The following RAB4A variants were observed in gnomAD, a reference collection of about 807,000 sequenced individuals.
RAB4A encodes RAB4A, member RAS oncogene family, also known as ras-related protein Rab-4A.
RAB4A carries 20 observed loss-of-function variants against 34.5 expected under a neutral mutation model. The ratio of observed to expected loss-of-function variants is 0.58; its 90% CI spans 0.41 to 0.84. The LOEUF is 0.84. RAB4A is among the 40% of genes least tolerant of loss of function. The pLI is 0.00. For missense variants in RAB4A, 228 were observed against 274.5 expected (o/e 0.83, Z 1.20); for synonymous variants, 102 against 100.0 (o/e 1.02, Z -0.12).
intron 3 of RAB4A, among the ~76,000 whole-genome samples, chr1:229,294,408 G>C (rs572244758): frequency 6.6e-6 from 1 of 152,374 alleles, no homozygotes; most frequent in South Asian, 2.1e-4. Flanking sequence ...GCGCGAGTGA[G>C]TGAGGACAGA....
chr1:229,302,173 T>C (rs1386970254), intron 6 of RAB4A, among the ~76,000 whole-genome samples: 1 of 147,812 alleles, frequency 6.8e-6, no homozygotes, highest in African/African-American at 2.5e-5. Flanking sequence ...ACCTATGTGT[T>C]ACCATAATTC....
In RAB4A at chr1:229,305,386, A is replaced by C. The variant is rs914823123; in HGVS notation, c.*1593A>C. On this transcript the variant is annotated 3_prime_UTR_variant, in exon 8 of 8. Transcript: ENST00000366690. ...CTAACACATCAGCTTATTCAAAAGC[A>C]AGAATTTTAAAAATAAGATAAATGT... The C allele has an allele frequency of 1.3e-5, 15 of 1,133,662 alleles. No individual in the cohort carries two copies. The Admixed American group carries it at 4.7e-4, about 35-fold the overall frequency. 70.2% of individuals were successfully genotyped at this position (1,133,662 alleles called of 1,614,324 possible). A position where few individuals can be genotyped will look rare whatever the true frequency, so the allele number is the denominator to read the frequency against.
At position 229,271,273 on chromosome 1, in the gene RAB4A, G is replaced by A. The variant is rs937090952; in HGVS notation, c.-67G>A. On this transcript the variant is annotated 5_prime_UTR_variant, in exon 1 of 8. Transcript: ENST00000366690. ...CCCCCGCCCCAGGTCCTTCCCCACC[G>A]AGACGCGCCGGCGGACCGCGGGCGA... 69 of 1,312,208 alleles carry A rather than the reference G, an allele frequency of 5.3e-5. No homozygotes were observed. The East Asian group carries it at 1.3e-3, about 24-fold the overall frequency. The allele number at this position is 1,312,208 out of a possible 1,614,324, so 81.3% of individuals were successfully genotyped here.
chr1:229,296,291 A>G (rs909105025), intron 4 of RAB4A, among the ~76,000 whole-genome samples: 1 of 152,198 alleles, frequency 6.6e-6, no homozygotes, highest in Non-Finnish European at 1.5e-5. Flanking sequence ...GCTGGGTTCA[A>G]ATCCCAGTTG....
intron 6 of RAB4A, 77 bp from the exon 7 acceptor site, chr1:229,302,785 T>C (rs78398440): frequency 1.1e-6 from 1 of 909,690 alleles, no homozygotes; most frequent in Non-Finnish European, 1.6e-6. Context: ...GTACTTTGCT[T>C]TTTTTTTTTT....
chr1:229,303,149 A>G (rs1054031724), intron 7 of RAB4A, among the ~76,000 whole-genome samples, 160 bp downstream of exon 7: 1 of 152,106 alleles, frequency 6.6e-6, no homozygotes, highest in Non-Finnish European at 1.5e-5. Context: ...CAGTTGCTTT[A>G]GTTCAGGAGT....
intron 4 of RAB4A, 24 bp downstream of exon 4, chr1:229,295,934 A>AG: frequency 6.2e-7 from 1 of 1,613,160 alleles, no homozygotes; most frequent in African/African-American, 1.3e-5. Flanking sequence ...CCCCTGGTGA[A>AG]GGAGGGTGCT....
At position 229,297,472 on chromosome 1, in the gene RAB4A, T is replaced by C. The variant is rs1238822180; in HGVS notation, c.291-10T>C. 1.9e-6 allele frequency: 3 copies of C among 1,585,200 alleles called. No homozygotes were observed. Among genetic ancestry groups the C allele is most frequent in the Admixed American group, 2.0e-5 (1 of 51,052 alleles). ...TACATGTATTATTTTCACAATCTTATATTACGCAGCCGAGAAACCTACAAT... is the reference window on the plus strand; with the variant it reads ...TACATGTATTATTTTCACAATCTTACATTACGCAGCCGAGAAACCTACAAT... On this transcript the variant is annotated splice_polypyrimidine_tract_variant and intron_variant, in intron 4 of 7. Transcript: ENST00000366690.
At chr1:229,278,737 C>T (rs1327310085) in intron 1 of RAB4A, among the ~76,000 whole-genome samples, 1 of 152,198 alleles carries the variant, frequency 6.6e-6, no homozygotes, top group Non-Finnish European at 1.5e-5. Context: ...TCCTTTCCCT[C>T]ACAGCTAAAC....
chr1:229,291,901 G>T (rs981985212), intron 3 of RAB4A, among the ~76,000 whole-genome samples: 1 of 152,054 alleles, frequency 6.6e-6, no homozygotes, highest in Non-Finnish European at 1.5e-5. Flanking sequence ...AAAATGATGA[G>T]TTCGTGTCCT....
intron 2 of RAB4A, among the ~76,000 whole-genome samples, chr1:229,286,964 T>C (rs1656939349): frequency 6.6e-6 from 1 of 152,228 alleles, no homozygotes; most frequent in Admixed American, 6.5e-5. Flanking sequence ...TGTCATCAAT[T>C]CTGTTTTATA....
At chr1:229,300,647 G>A (rs1266362366) in intron 6 of RAB4A, among the ~76,000 whole-genome samples, 2 of 152,154 alleles carry the variant, frequency 1.3e-5, no homozygotes, top group East Asian at 3.8e-4. Context: ...AGCAGGGAAT[G>A]TGAGGGAGTA....
At chr1:229,282,068 A>G (rs1477489340) in intron 1 of RAB4A, among the ~76,000 whole-genome samples, 3 of 151,622 alleles carry the variant, frequency 2.0e-5, no homozygotes, top group Admixed American at 2.0e-4. Context: ...TTCCTTTATC[A>G]TTTTCTTCCT....
chr1:229,298,595 T>A (rs1446919824), intron 5 of RAB4A, among the ~76,000 whole-genome samples: 1 of 152,162 alleles, frequency 6.6e-6, no homozygotes, highest in Non-Finnish European at 1.5e-5. Flanking sequence ...CACTTGTAGG[T>A]CATATTTGTG....
chr1:229,280,240 A>G (rs1044172378), intron 1 of RAB4A, among the ~76,000 whole-genome samples: 4 of 152,206 alleles, frequency 2.6e-5, no homozygotes, highest in African/African-American at 9.7e-5. Context: ...CAAACATTGA[A>G]CACTCTGAGA....
At chr1:229,294,080 T>C (rs544748770) in intron 3 of RAB4A, among the ~76,000 whole-genome samples, 29 of 152,020 alleles carry the variant, frequency 1.9e-4, no homozygotes, top group Non-Finnish European at 3.8e-4. Flanking sequence ...TGAGGATGAA[T>C]GTGGAGCTGA....
At chr1:229,291,245 G>A (rs1288994195) in intron 3 of RAB4A, among the ~76,000 whole-genome samples, 2 of 152,216 alleles carry the variant, frequency 1.3e-5, no homozygotes, top group Non-Finnish European at 2.9e-5. Context: ...GAAAGAGGAG[G>A]AAGCCAAGAT....
intron 6 of RAB4A, among the ~76,000 whole-genome samples, chr1:229,302,309 A>ATTTTTTTTTTT (rs869095524): frequency 8.4e-5 from 3 of 35,900 alleles, no homozygotes; most frequent in African/African-American, 2.4e-4. Context: ...ATATATATAT[A>ATTTTTTTTTTT]TTTTTTTTTT....
chr1:229,296,500 G>A (rs1231483620), intron 4 of RAB4A, among the ~76,000 whole-genome samples: 1 of 152,154 alleles, frequency 6.6e-6, no homozygotes, highest in Admixed American at 6.5e-5. Flanking sequence ...TCTGTTCCTC[G>A]ATTGCACTGG....
Sources: gnomAD v4.1 joint callset for allele counts (sites outside exome capture counted in the v4.1 genomes callset) on GRCh38, gnomAD v4.1.1 for gene constraint, MANE v1.5 for transcripts, NCBI Gene and HGNC (gene_info 2026-07-23, HGNC 2026-07-21) for gene names.